Variants in RBKS observed in about 807,000 individuals in gnomAD.
RBKS encodes the protein ribokinase.
In RBKS, 33 loss-of-function variants were observed where a neutral mutation model predicts 33.9. The ratio of observed to expected loss-of-function variants is 0.97; its 90% confidence interval spans 0.74 to 1.30. The LOEUF is 1.30. Ranked by LOEUF, RBKS falls within the 50% of genes most tolerant of loss-of-function variation. The probability of loss-of-function intolerance (pLI) is 0.00; values close to 1 mark genes in which losing one functional copy is unlikely to be tolerated. For missense variants in RBKS, 361 were observed against 392.6 expected, an observed-to-expected ratio of 0.92 and a Z score of 0.68; for synonymous variants, 125 against 143.0, an observed-to-expected ratio of 0.87 and a Z score of 0.90.
In RBKS at chr2:27,812,425, T is replaced by C. The variant is rs1000119720; in HGVS notation, c.795+15142A>G. 6.6e-5 allele frequency among the ~76,000 whole-genome samples: 10 copies of C among 152,318 alleles called. No individual in the cohort carries two copies. In the South Asian group the frequency reaches 1.2e-3, roughly 19 times the overall value. On this transcript the variant is annotated intron_variant, in intron 7 of 7. Coordinates refer to ENST00000302188, the MANE Select transcript of RBKS (RefSeq NM_022128.3). ...ACATGCACACGTATGTTTATTGTGG[T>C]ACTATTCACAACAGCAAAGACTTGG...
intron 2 of RBKS, 139 bp from the exon 3 acceptor site, chr2:27,848,236 T>C: frequency 3.6e-6 from 2 of 552,222 alleles, no homozygotes; most frequent in Non-Finnish European, 6.4e-6. Flanking sequence ...CTTCTTAATA[T>C]AAGATGCTAG....
At chr2:27,832,800 GTTA>G in intron 5 of RBKS, 23 bp from the exon 6 acceptor site, 1 of 1,409,880 alleles carries the variant, frequency 7.1e-7, no homozygotes, top group Non-Finnish European at 1.0e-6. Flanking sequence ...GGAAAAGGGG[GTTA>G]TTATTAGTTT....
chr2:27,785,866 A>G (rs545067967), intron 7 of RBKS, among the ~76,000 whole-genome samples: 1 of 152,210 alleles, frequency 6.6e-6, no homozygotes, highest in Non-Finnish European at 1.5e-5. Context: ...CCTGTAATAT[A>G]GGAATATAGG....
At chr2:27,861,674 T>TG in intron 1 of RBKS, 2 of 356,232 alleles carry the variant, frequency 5.6e-6, no homozygotes, top group African/African-American at 3.0e-5. Context: ...GGGGGGGGGG[T>TG]GGAGTCTCAC....
At chr2:27,879,664 C>T (rs1035828082) in intron 1 of RBKS, among the ~76,000 whole-genome samples, 1 of 152,132 alleles carries the variant, frequency 6.6e-6, no homozygotes, top group African/African-American at 2.4e-5. Flanking sequence ...GATATTACCA[C>T]TGACCCCACA....
At chr2:27,873,964 C>A (rs1008660711) in intron 1 of RBKS, among the ~76,000 whole-genome samples, 1 of 152,060 alleles carries the variant, frequency 6.6e-6, no homozygotes, top group East Asian at 1.9e-4. Flanking sequence ...TGTATGTATA[C>A]AAGAAACACT....
chr2:27,784,395 A>G (rs1008430579), intron 7 of RBKS, among the ~76,000 whole-genome samples: 1 of 152,202 alleles, frequency 6.6e-6, no homozygotes, highest in African/African-American at 2.4e-5. Flanking sequence ...GGCATGCAAG[A>G]TTGTTTCAGT....
At position 27,885,898 on chromosome 2, in the gene RBKS, T is replaced by C. The variant is rs935948713; in HGVS notation, c.89+4359A>G. On this transcript the variant is annotated intron_variant, in intron 1 of 7. Coordinates refer to ENST00000302188, the MANE Select transcript of RBKS (RefSeq NM_022128.3). ...TTAAAAAAATGGGTGATACAGGTCATAAAAAATAAGGTTTACTAATGAAAA... is the reference window on the plus strand; with the variant it reads ...TTAAAAAAATGGGTGATACAGGTCACAAAAAATAAGGTTTACTAATGAAAA... Among the ~76,000 whole-genome samples the C allele has an allele frequency of 1.3e-5, 2 of 152,176 alleles. 1 individual carries two copies. Among genetic ancestry groups the C allele is most frequent in the East Asian group, 3.8e-4 (2 of 5,202 alleles).
At chr2:27,782,640 C>T (rs1243763120) in intron 7 of RBKS, 1 of 466,112 alleles carries the variant, frequency 2.1e-6, no homozygotes, top group Non-Finnish European at 4.5e-6. Context: ...ATTAAGGGCA[C>T]ATATGATCAA....
intron 7 of RBKS, among the ~76,000 whole-genome samples, chr2:27,801,034 C>T (rs1677768624): frequency 6.6e-6 from 1 of 152,190 alleles, no homozygotes; most frequent in Non-Finnish European, 1.5e-5. Context: ...ACAGCCTGCA[C>T]TTCCTCAGTA....
chr2:27,782,013 CTT>C (rs1012718897), intron 7 of RBKS, among the ~76,000 whole-genome samples: 2 of 152,108 alleles, frequency 1.3e-5, no homozygotes, highest in Non-Finnish European at 2.9e-5. Context: ...GAACTTCATA[CTT>C]TTTTCAGAGT....
At chr2:27,874,196 A>G (rs1664269077) in intron 1 of RBKS, among the ~76,000 whole-genome samples, 1 of 152,242 alleles carries the variant, frequency 6.6e-6, no homozygotes, top group South Asian at 2.1e-4. Context: ...TTAAAATTGT[A>G]TTCAATGAAG....
chr2:27,844,407 A>G (rs1053827786), intron 4 of RBKS, among the ~76,000 whole-genome samples: 1 of 151,988 alleles, frequency 6.6e-6, no homozygotes, highest in Non-Finnish European at 1.5e-5. Context: ...AAAAATTAAG[A>G]TAAATTTTGG....
chr2:27,835,435 C>G (rs1449868593), intron 5 of RBKS, among the ~76,000 whole-genome samples: 2 of 143,036 alleles, frequency 1.4e-5, no homozygotes, highest in South Asian at 2.4e-4. Context: ...ACCCCACCCC[C>G]CCTTTTCTGA....
chr2:27,874,063 C>T (rs1034875975), intron 1 of RBKS, among the ~76,000 whole-genome samples: 1 of 152,136 alleles, frequency 6.6e-6, no homozygotes, highest in South Asian at 2.1e-4. Context: ...GAATTTAAGG[C>T]CTCAAACGTG....
chr2:27,834,606 C>T (rs1678480132), intron 5 of RBKS, among the ~76,000 whole-genome samples: 1 of 152,176 alleles, frequency 6.6e-6, no homozygotes, highest in African/African-American at 2.4e-5. Flanking sequence ...ATGTCAATTA[C>T]ACATAAAGGC....
intron 7 of RBKS, among the ~76,000 whole-genome samples, chr2:27,817,478 T>C (rs1284048182): frequency 6.6e-6 from 1 of 152,200 alleles, no homozygotes; most frequent in Non-Finnish European, 1.5e-5. Flanking sequence ...GCAACATCAC[T>C]GTCCATGTGT....
chr2:27,793,848 T>A (rs1403073346), intron 7 of RBKS, among the ~76,000 whole-genome samples: 1 of 152,110 alleles, frequency 6.6e-6, no homozygotes, highest in Non-Finnish European at 1.5e-5. Context: ...TGTGACTTAC[T>A]CTCAAATAGA....
chr2:27,783,674 G>A (rs1677331915), intron 7 of RBKS, among the ~76,000 whole-genome samples: 1 of 152,090 alleles, frequency 6.6e-6, no homozygotes, highest in African/African-American at 2.4e-5. Flanking sequence ...TCGGGAGGCC[G>A]AGGCGGGCGG....
Sources: allele counts gnomAD v4.1 joint callset (sites outside exome capture counted in the v4.1 genomes callset), GRCh38; gene constraint gnomAD v4.1.1; transcripts MANE v1.5; gene names NCBI Gene and HGNC (gene_info 2026-07-23, HGNC 2026-07-21).